The following USPL1 variants were observed in gnomAD, a reference collection of about 807,000 sequenced individuals.
The protein encoded by USPL1 is ubiquitin specific peptidase like 1, also known as SUMO-specific isopeptidase USPL1.
USPL1 carries 27 observed loss-of-function variants against 51.5 expected under a neutral mutation model. The observed-to-expected ratio is 0.52, with a 90% CI of 0.39 to 0.72. USPL1 has a LOEUF of 0.72. Ranked by LOEUF, USPL1 falls within the 30% of genes least tolerant of loss-of-function variation. USPL1 has a pLI of 0.00. For synonymous variants in USPL1, 451 were observed against 459.6 expected, an observed-to-expected ratio of 0.98 and a Z score of 0.24; for missense variants, 1,226 against 1,268.0, an observed-to-expected ratio of 0.97 and a Z score of 0.50.
At chr13:30,645,316 A>G (rs1408936571) in intron 6 of USPL1, among the ~76,000 whole-genome samples, 1 of 152,180 alleles carries the variant, frequency 6.6e-6, no homozygotes. Context: ...TCTTTGCCAA[A>G]TTTACTAATT....
At chr13:30,646,857 A>G (rs1951024144) in intron 6 of USPL1, 75 bp from the exon 7 acceptor site, 2 of 1,481,200 alleles carry the variant, frequency 1.4e-6, no homozygotes, top group Non-Finnish European at 1.8e-6. Context: ...AAGGGGAGGA[A>G]TACTTTTAGA....
intron 7 of USPL1, among the ~76,000 whole-genome samples, chr13:30,648,581 C>T (rs896069697): frequency 1.2e-4 from 18 of 152,150 alleles, no homozygotes; most frequent in African/African-American, 4.1e-4. Flanking sequence ...ATATGCACTC[C>T]GTAGTACTCA....
At chr13:30,651,606 T>A (rs1951092993) in intron 7 of USPL1, among the ~76,000 whole-genome samples, 1 of 152,242 alleles carries the variant, frequency 6.6e-6, no homozygotes, top group Non-Finnish European at 1.5e-5. Flanking sequence ...GAGATTGTTT[T>A]AGTAACTAGC....
intron 6 of USPL1, among the ~76,000 whole-genome samples, chr13:30,646,349 G>T (rs1427411446): frequency 6.6e-6 from 1 of 150,678 alleles, no homozygotes; most frequent in Non-Finnish European, 1.5e-5. Flanking sequence ...TGCTGTGTGT[G>T]TGTGTGTTTT....
intron 4 of USPL1, among the ~76,000 whole-genome samples, chr13:30,636,564 T>A (rs1292875123): frequency 2.0e-5 from 3 of 152,234 alleles, no homozygotes; most frequent in African/African-American, 7.2e-5. Flanking sequence ...AATAATTTTC[T>A]TATTAATCTT....
At chr13:30,654,970 C>T (rs555977259) in intron 8 of USPL1, among the ~76,000 whole-genome samples, 29 of 150,288 alleles carry the variant, frequency 1.9e-4, no homozygotes, top group African/African-American at 6.3e-4. Flanking sequence ...TGGAGTTTTG[C>T]TCTTGTTGCC....
chr13:30,628,902 G>A (rs375899284), intron 3 of USPL1, among the ~76,000 whole-genome samples: 9 of 152,116 alleles, frequency 5.9e-5, no homozygotes, highest in African/African-American at 1.9e-4. Flanking sequence ...TTTTGGATAC[G>A]TACCTTTTTA....
chr13:30,631,326 T>C lies in USPL1; in HGVS notation c.720T>C (p.Cys240=), dbSNP rs1317345492. The change falls in exon 4 of 9, where the codon TGT becomes TGC. Residue 240 remains cysteine, a synonymous_variant. Coordinates refer to ENST00000255304, the MANE Select transcript of USPL1 (RefSeq NM_005800.5). ...CTTATGCTCTCTGTTGGTTAGACTG[T>C]ATCCTGTCAGCTTTGGTGCACTCGG... The part of the protein sequence containing the change: ...KNAYALCWLD[C]ILSALVHSEE... The C allele has an allele frequency of 6.2e-7, 1 of 1,614,192 alleles. No homozygotes were observed. Among genetic ancestry groups the C allele is most frequent in the Non-Finnish European group, 8.5e-7 (1 of 1,180,032 alleles).
At chr13:30,628,544 C>T (rs1480118557) in intron 3 of USPL1, among the ~76,000 whole-genome samples, 5 of 152,178 alleles carry the variant, frequency 3.3e-5, no homozygotes, top group African/African-American at 1.2e-4. Flanking sequence ...CCCTAGCCCC[C>T]TACCCGCCGA....
At chr13:30,636,127 A>G (rs1203046110) in intron 4 of USPL1, among the ~76,000 whole-genome samples, 1 of 152,110 alleles carries the variant, frequency 6.6e-6, no homozygotes, top group Non-Finnish European at 1.5e-5. Context: ...TCTCACAAGC[A>G]TTTTGCCTTT....
intron 2 of USPL1, 105 bp downstream of exon 2, chr13:30,621,344 G>A (rs1406354838): frequency 1.3e-6 from 1 of 793,418 alleles, no homozygotes; most frequent in Non-Finnish European, 2.0e-6. Context: ...AAAAAATTGT[G>A]TCTTCCACGG....
At chr13:30,641,450 C>T (rs762717504) in intron 5 of USPL1, among the ~76,000 whole-genome samples, 16 of 151,980 alleles carry the variant, frequency 1.1e-4, no homozygotes, top group South Asian at 4.1e-4. Context: ...AGGGGGAGAA[C>T]TGGACCATGG....
At chr13:30,620,172 A>T (rs1461644094) in intron 1 of USPL1, among the ~76,000 whole-genome samples, 1 of 152,184 alleles carries the variant, frequency 6.6e-6, no homozygotes, top group Non-Finnish European at 1.5e-5. Context: ...GCGTAATTAG[A>T]TTTTAAAGTG....
intron 3 of USPL1, among the ~76,000 whole-genome samples, chr13:30,627,359 A>G (rs1277166613): frequency 6.6e-6 from 1 of 152,198 alleles, no homozygotes; most frequent in Non-Finnish European, 1.5e-5. Context: ...TCATTAATTT[A>G]TAAGGGAAAA....
At chr13:30,628,485 C>G (rs1950754305) in intron 3 of USPL1, among the ~76,000 whole-genome samples, 1 of 152,172 alleles carries the variant, frequency 6.6e-6, no homozygotes, top group Non-Finnish European at 1.5e-5. Context: ...GTTTGTTGCA[C>G]CTGTCAGCCT....
rs765791000 is a variant in USPL1, at chr13:30,658,933, T to C, written c.2856T>C (p.Ser952=). 34 of 1,614,120 alleles carry C rather than the reference T, an allele frequency of 2.1e-5. No homozygotes were observed. The highest frequency in any genetic ancestry group is 1.6e-4 in the Middle Eastern group (1 of 6,084). The change falls in exon 9 of 9, where the codon TCT becomes TCC. Residue 952 remains serine (S), a synonymous_variant. Transcript: ENST00000255304. ...LPYPIDIASE[S]ACTTVPGVSL... Reference sequence around the variant, plus strand: ...ATCCAATTGATATTGCCAGTGAGTCTGCATGCACCACTGTTCCTGGTGTTT... The same window carrying C: ...ATCCAATTGATATTGCCAGTGAGTCCGCATGCACCACTGTTCCTGGTGTTT...
At position 30,630,971 on chromosome 13, in the gene USPL1, C is replaced by G; in HGVS notation, c.365C>G (p.Ser122Cys). ...AAGGATTCACTTCTTTTAGCAAATT[C>G]CAAAAAGACTAGAAATTATATTGCT... ...SYKDSLLLAN[S>C]KKTRNYIAID... The change falls in exon 4 of 9, where the codon TCC (serine) becomes TGC (cysteine). Residue 122 changes from serine to cysteine, a missense_variant. Physicochemically the swap from Ser to Cys is moderately radical, Grantham distance 112 (BLOSUM62 -1). Coordinates refer to ENST00000255304, the MANE Select transcript of USPL1 (RefSeq NM_005800.5). The G allele has an allele frequency of 6.2e-7, 1 of 1,613,940 alleles. No homozygotes were observed. Among genetic ancestry groups the G allele is most frequent in the South Asian group, 1.1e-5 (1 of 91,072 alleles).
At position 30,658,133 on chromosome 13, in the gene USPL1, G is replaced by A. The variant is rs1222584879; in HGVS notation, c.2056G>A (p.Gly686Ser). 3.1e-6 allele frequency: 5 copies of A among 1,613,710 alleles called. No individual in the cohort carries two copies. The South Asian group carries it at 5.5e-5, about 18-fold the overall frequency. The change falls in exon 9 of 9, where the codon GGT becomes AGT. Residue 686 changes from glycine (G) to serine (S), a missense_variant. Gly to Ser is a moderately conservative substitution (Grantham distance 56). Transcript: ENST00000255304. ...TKSVNNTDAT[G>S]LIQGVKSVEI... ...ATCTGTGAATAATACTGATGCTACT[G>A]GTCTTATACAGGGAGTGAAGTCAGT...
At chr13:30,657,349 A>G in intron 8 of USPL1, 125 bp from the exon 9 acceptor site, 1 of 964,762 alleles carries the variant, frequency 1.0e-6, no homozygotes, top group Non-Finnish European at 1.5e-6. Context: ...AAGGTCAAGA[A>G]CATGTTTTAG....
Sources: gnomAD v4.1 joint callset for allele counts (sites outside exome capture counted in the v4.1 genomes callset) on GRCh38, gnomAD v4.1.1 for gene constraint, MANE v1.5 for transcripts, NCBI Gene and HGNC (gene_info 2026-07-23, HGNC 2026-07-21) for gene names.